ARHGAP39: variants seen among roughly 807,000 people sequenced by gnomAD.
ARHGAP39 encodes the protein Rho GTPase activating protein 39, also known as rho GTPase-activating protein 39.
A neutral mutation model predicts 106.9 loss-of-function variants in ARHGAP39; 44 were observed. That is an observed-to-expected ratio of 0.41 (90% CI 0.32 to 0.53). ARHGAP39 has a LOEUF of 0.53. Among genes scored for constraint, ARHGAP39 ranks in the 20% least tolerant of loss-of-function variants. The pLI, the probability that ARHGAP39 is intolerant of heterozygous loss-of-function variation, is 0.21. For synonymous variants in ARHGAP39, 768 were observed against 693.2 expected (o/e 1.11, Z -1.69); for missense variants, 1,496 against 1,577.3 (o/e 0.95, Z 0.87).
rs1305797283 is a variant in ARHGAP39 at position 144,585,104 on chromosome 8, G to A, written c.81-3827C>T. On this transcript the variant is annotated intron_variant, in intron 2 of 11. Transcript: ENST00000377307. The surrounding 1 kb of genome is among the most constrained non-coding windows in gnomAD (Gnocchi z 4.6). ...CCCTCCACTCGTCCAGGTGTCTGAA[G>A]GGCTTAGACGCCCTCTCCCGATTGG... Among the ~76,000 whole-genome samples the A allele has an allele frequency of 6.6e-6, 1 of 152,146 alleles. No individual in the cohort carries two copies. The highest frequency in any genetic ancestry group is 1.5e-5 in the Non-Finnish European group (1 of 68,020).
At chr8:144,638,440 G>A (rs1172914449) in intron 1 of ARHGAP39, among the ~76,000 whole-genome samples, 2 of 152,214 alleles carry the variant, frequency 1.3e-5, no homozygotes, top group East Asian at 3.9e-4. Context: ...TTCAAATACT[G>A]CCTCTTCTCC....
intron 1 of ARHGAP39, among the ~76,000 whole-genome samples, chr8:144,681,864 G>T (rs903079178): frequency 1.3e-5 from 2 of 151,846 alleles, no homozygotes; most frequent in Non-Finnish European, 2.9e-5. Context: ...GATGAGATGC[G>T]ATTTTCTAAG....
At position 144,668,953 on chromosome 8, in the gene ARHGAP39, G is replaced by A. The variant is rs952252943; in HGVS notation, c.-82+16733C>T. Among the ~76,000 whole-genome samples, 89 of 152,020 alleles carry A rather than the reference G, an allele frequency of 5.9e-4. 1 individual carries two copies. Among genetic ancestry groups the A allele is most frequent in the African/African-American group, 1.9e-3 (79 of 41,384 alleles). On this transcript the variant is annotated intron_variant, in intron 1 of 11. Transcript: ENST00000377307. ...TACCATAATTAAGACAGCGTGGCACGGGCATGAGGACAGATACACAGGACA... is the reference window on the plus strand; with the variant it reads ...TACCATAATTAAGACAGCGTGGCACAGGCATGAGGACAGATACACAGGACA...
At chr8:144,687,938 C>T (rs1310467055), upstream of ARHGAP39, among the ~76,000 whole-genome samples, 4 of 140,294 alleles carry the variant, frequency 2.9e-5, no homozygotes, top group South Asian at 4.6e-4. Context: ...CTTCCCACCC[C>T]GTGACCACAC....
chr8:144,556,388 G>A (rs1053610467), intron 3 of ARHGAP39, among the ~76,000 whole-genome samples: 4 of 151,970 alleles, frequency 2.6e-5, no homozygotes, highest in African/African-American at 7.3e-5. Flanking sequence ...CTGAGTAGGC[G>A]ATTATCCCGA....
In ARHGAP39 at chr8:144,577,831, G is replaced by A. The variant is rs1033179538; in HGVS notation, c.512+3015C>T. 9.9e-5 allele frequency among the ~76,000 whole-genome samples: 15 copies of A among 152,184 alleles called. 1 individual carries two copies. The South Asian group carries it at 2.3e-3, about 23-fold the overall frequency. On this transcript the variant is annotated intron_variant, in intron 3 of 11. Coordinates refer to ENST00000377307, the MANE Select transcript of ARHGAP39 (RefSeq NM_025251.3). ...ACTTTACCAGGGAGGTGAAAGGACTGTAAACTAGAAAATATAAAACACTGC... is the reference window on the plus strand; with the variant it reads ...ACTTTACCAGGGAGGTGAAAGGACTATAAACTAGAAAATATAAAACACTGC...
At chr8:144,696,386 G>C in the ARHGAP39 span, among the ~76,000 whole-genome samples, 1 of 152,132 alleles carries the variant, frequency 6.6e-6, no homozygotes, top group Admixed American at 6.5e-5. Flanking sequence ...TGATCCACCC[G>C]CCTTGGCCTC....
At chr8:144,558,459 A>ATT (rs1343879056) in intron 3 of ARHGAP39, among the ~76,000 whole-genome samples, 1 of 151,862 alleles carries the variant, frequency 6.6e-6, no homozygotes, top group Non-Finnish European at 1.5e-5. Flanking sequence ...CGCCTGGCTA[A>ATT]TTTTTGTATT....
rs549454249 is a variant in ARHGAP39 at position 144,565,552 on chromosome 8, G to A, written c.513-9909C>T. ...AAAAATACAAAAATTAGCCAGGCGCGGTGGCAGGTGTCTGTAGTCCCAGCC... is the reference window on the plus strand; with the variant it reads ...AAAAATACAAAAATTAGCCAGGCGCAGTGGCAGGTGTCTGTAGTCCCAGCC... On this transcript the variant is annotated intron_variant, in intron 3 of 11. Transcript: ENST00000377307. Among the ~76,000 whole-genome samples, 168 of 152,050 alleles carry A rather than the reference G, an allele frequency of 1.1e-3. 2 individuals are homozygous for A. Among genetic ancestry groups the A allele is most frequent in the Middle Eastern group, 0.01 (3 of 294 alleles).
At chr8:144,558,012 C>A (rs1818009918) in intron 3 of ARHGAP39, among the ~76,000 whole-genome samples, 1 of 152,238 alleles carries the variant, frequency 6.6e-6, no homozygotes, top group Non-Finnish European at 1.5e-5. Flanking sequence ...GGAGAGACCT[C>A]ACTTACGTAC....
chr8:144,648,365 G>A lies in ARHGAP39; in HGVS notation c.-82+37321C>T, dbSNP rs147409122. Among the ~76,000 whole-genome samples the A allele has an allele frequency of 9.0e-4, 137 of 152,310 alleles. 1 individual carries two copies. The highest frequency in any genetic ancestry group is 1.7e-3 in the Non-Finnish European group (116 of 68,028). On this transcript the variant is annotated intron_variant, in intron 1 of 11. Coordinates refer to ENST00000377307, the MANE Select transcript of ARHGAP39 (RefSeq NM_025251.3). Reference sequence around the variant, plus strand: ...CTATTTTAGGCCCCTACATTTTGGGGTAATTTGTTATCCAGCAAAAGTAAC... The same window carrying A: ...CTATTTTAGGCCCCTACATTTTGGGATAATTTGTTATCCAGCAAAAGTAAC...
At chr8:144,531,236 AGGG>A (rs1816706650) in intron 10 of ARHGAP39, among the ~76,000 whole-genome samples, 1 of 31,822 alleles carries the variant, frequency 3.1e-5, no homozygotes. Context: ...GCACGGCAGA[AGGG>A]CACAGGGCAG....
At chr8:144,534,023 C>G (rs1236460488) in intron 8 of ARHGAP39, 106 bp downstream of exon 8, 7 of 1,320,644 alleles carry the variant, frequency 5.3e-6, no homozygotes, top group Non-Finnish European at 7.4e-6. Flanking sequence ...GTGGCACCCT[C>G]TGCGCTGCTG....
intron 1 of ARHGAP39, among the ~76,000 whole-genome samples, chr8:144,636,149 C>T (rs949383030): frequency 1.3e-5 from 2 of 152,070 alleles, no homozygotes; most frequent in Non-Finnish European, 2.9e-5. Context: ...GTGTGGGGAC[C>T]GACTTAGAGG....
intron 1 of ARHGAP39, among the ~76,000 whole-genome samples, chr8:144,652,580 TA>T (rs1419214041): frequency 2.6e-5 from 4 of 152,142 alleles, no homozygotes; most frequent in Non-Finnish European, 4.4e-5. Context: ...TATGCAGCCA[TA>T]AAAAAGAATA....
In ARHGAP39 at chr8:144,623,763, C is replaced by A. The variant is rs374833574; in HGVS notation, c.-81-18068G>T. ...AGCAGGGCATGAAGCAACGTCTGGG[C>A]AAATGTCAGAGGCCGCAGCACCCAG... On this transcript the variant is annotated intron_variant, in intron 1 of 11. Coordinates refer to ENST00000377307, the MANE Select transcript of ARHGAP39 (RefSeq NM_025251.3). Among the ~76,000 whole-genome samples, 14 of 152,306 alleles carry A rather than the reference C, an allele frequency of 9.2e-5. No individual in the cohort carries two copies. The East Asian group carries it at 2.7e-3, about 29-fold the overall frequency.
intron 7 of ARHGAP39, 76 bp downstream of exon 7, chr8:144,537,645 A>G: frequency 2.5e-6 from 3 of 1,202,806 alleles, no homozygotes; most frequent in Non-Finnish European, 3.6e-6. Context: ...GTTAGAGAAG[A>G]GAAGGCCAGG....
intron 3 of ARHGAP39, among the ~76,000 whole-genome samples, chr8:144,562,527 C>T (rs1382223379): frequency 4.6e-5 from 7 of 150,952 alleles, no homozygotes; most frequent in Non-Finnish European, 8.8e-5. Flanking sequence ...TGGTTTCCAT[C>T]GGACTCCAGT....
At chr8:144,688,608 C>T (rs1003591489), upstream of ARHGAP39, among the ~76,000 whole-genome samples, 1 of 152,092 alleles carries the variant, frequency 6.6e-6, no homozygotes, top group Non-Finnish European at 1.5e-5. Flanking sequence ...ATTAGCCAGG[C>T]GTAGTCAAGA....
Sources: allele counts gnomAD v4.1 joint callset (sites outside exome capture counted in the v4.1 genomes callset), GRCh38; gene constraint gnomAD v4.1.1; non-coding constraint Gnocchi (gnomAD v3.1); transcripts MANE v1.5; gene names NCBI Gene and HGNC (gene_info 2026-07-23, HGNC 2026-07-21).